The following GLCCI1 variants were observed in gnomAD, a reference collection of about 807,000 sequenced individuals.
GLCCI1 encodes glucocorticoid induced 1, also known as glucocorticoid-induced transcript 1 protein.
Under a neutral mutation model 52.2 loss-of-function variants are expected in GLCCI1, and 24 were observed. The ratio of observed to expected loss-of-function variants is 0.46; its 90% CI spans 0.33 to 0.65. The LOEUF is 0.65. Ranked by LOEUF, GLCCI1 falls within the 30% of genes least tolerant of loss-of-function variation. GLCCI1 has a pLI of 0.02. For missense variants in GLCCI1, 704 were observed against 701.5 expected (o/e 1.00, Z -0.04); for synonymous variants, 310 against 276.5 (o/e 1.12, Z -1.20).
At chr7:7,992,154 A>G (rs1399017593) in intron 1 of GLCCI1, among the ~76,000 whole-genome samples, 2 of 146,650 alleles carry the variant, frequency 1.4e-5, no homozygotes, top group Non-Finnish European at 3.0e-5. Flanking sequence ...CTGGCTCTAG[A>G]AGGAATTTAA....
Position 7,969,082 on chromosome 7 carries a change from C to A in GLCCI1, c.-269C>A. 5.3e-6 allele frequency: 1 copy of A among 190,222 alleles called. No individual in the cohort carries two copies. The highest frequency in any genetic ancestry group is 1.1e-5 in the Non-Finnish European group (1 of 93,668). 11.8% of individuals were successfully genotyped at this position (190,222 alleles called of 1,614,324 possible). A position where few individuals can be genotyped will look rare whatever the true frequency, so the allele number is the denominator to read the frequency against. On this transcript the variant is annotated 5_prime_UTR_variant, in exon 1 of 8. Transcript: ENST00000223145. This position sits in a 1 kb window ranked among gnomAD's most constrained non-coding sequence, Gnocchi z 4.9. The stretch of plus-strand genomic sequence containing the variant: ...GGCGGCGGCGGCTCCGGGCTCCTTG[C>A]GGCCCCGGCCGTGACCGCCACACCG...
intron 5 of GLCCI1, among the ~76,000 whole-genome samples, chr7:8,061,071 A>G (rs1284493814): frequency 6.6e-6 from 1 of 150,798 alleles, no homozygotes; most frequent in African/African-American, 2.4e-5. Flanking sequence ...ATGGCTGAAG[A>G]TGTTAAGCAT....
chr7:8,059,314 A>G (rs1449460117), intron 4 of GLCCI1, among the ~76,000 whole-genome samples: 1 of 145,544 alleles, frequency 6.9e-6, no homozygotes, highest in African/African-American at 2.6e-5. Context: ...TATGGGAAAT[A>G]TTATTAGTGT....
chr7:7,985,124 A>G (rs1485193804), intron 1 of GLCCI1, among the ~76,000 whole-genome samples: 1 of 152,218 alleles, frequency 6.6e-6, no homozygotes, highest in Admixed American at 6.5e-5. Flanking sequence ...AAATATGGTT[A>G]GTGCTGTAGA....
At chr7:8,061,355 C>A (rs952125065) in intron 5 of GLCCI1, among the ~76,000 whole-genome samples, 1 of 152,150 alleles carries the variant, frequency 6.6e-6, no homozygotes, top group African/African-American at 2.4e-5. Flanking sequence ...CCACCTCGGC[C>A]TCCCAAAGTG....
At position 8,035,476 on chromosome 7, in the gene GLCCI1, G is replaced by A. The variant is rs535762225; in HGVS notation, c.696+12907G>A. ...AAGACAGCCATTCTAGGGCAATTAG[G>A]TATGGCTGTGTCCGCACTGATAATC... On this transcript the variant is annotated intron_variant, in intron 3 of 7. Coordinates refer to ENST00000223145, the MANE Select transcript of GLCCI1 (RefSeq NM_138426.4). Among the ~76,000 whole-genome samples, 11 of 152,314 alleles carry A rather than the reference G, an allele frequency of 7.2e-5. No individual in the cohort carries two copies. In the East Asian group the frequency reaches 1.9e-3, roughly 27 times the overall value.
chr7:7,986,577 A>G (rs1384246873), intron 1 of GLCCI1, among the ~76,000 whole-genome samples: 4 of 152,210 alleles, frequency 2.6e-5, no homozygotes, highest in African/African-American at 9.7e-5. Context: ...TGTTACTGAG[A>G]ATAAAACTAA....
intron 1 of GLCCI1, among the ~76,000 whole-genome samples, chr7:8,003,233 A>G (rs1781080957): frequency 6.6e-6 from 1 of 152,170 alleles, no homozygotes; most frequent in Non-Finnish European, 1.5e-5. Context: ...AGGAAAGGGC[A>G]TTAGGGAAAC....
At chr7:7,998,800 G>T (rs1327813493) in intron 1 of GLCCI1, among the ~76,000 whole-genome samples, 1 of 152,110 alleles carries the variant, frequency 6.6e-6, no homozygotes, top group African/African-American at 2.4e-5. Context: ...AGATTTCAAA[G>T]AATTGGTTGA....
chr7:8,074,745 TG>T (rs1480328858), intron 6 of GLCCI1, among the ~76,000 whole-genome samples: 1 of 152,160 alleles, frequency 6.6e-6, no homozygotes, highest in Non-Finnish European at 1.5e-5. Context: ...CATAAATTGG[TG>T]TTTTTTTATT....
intron 3 of GLCCI1, among the ~76,000 whole-genome samples, chr7:8,047,898 A>G (rs907944273): frequency 6.6e-6 from 1 of 152,162 alleles, no homozygotes; most frequent in African/African-American, 2.4e-5. Flanking sequence ...CAAAGCTTAC[A>G]TCTCTTTTTA....
chr7:8,061,386 C>T (rs910537540), intron 5 of GLCCI1, among the ~76,000 whole-genome samples: 1 of 152,102 alleles, frequency 6.6e-6, no homozygotes, highest in Non-Finnish European at 1.5e-5. Flanking sequence ...AGGCGTGAGC[C>T]ACTGCACCCA....
intron 3 of GLCCI1, among the ~76,000 whole-genome samples, chr7:8,030,852 T>C (rs957002882): frequency 2.0e-5 from 3 of 152,030 alleles, no homozygotes; most frequent in Non-Finnish European, 4.4e-5. Flanking sequence ...CTCACCCCAG[T>C]TAAGATGACT....
intron 3 of GLCCI1, among the ~76,000 whole-genome samples, chr7:8,049,419 C>A (rs2127957191): frequency 6.6e-6 from 1 of 152,122 alleles, no homozygotes; most frequent in South Asian, 2.1e-4. Context: ...TCTTTGAAAT[C>A]AAAGGAATTA....
At chr7:8,013,068 T>C (rs930911407) in intron 2 of GLCCI1, among the ~76,000 whole-genome samples, 1 of 152,210 alleles carries the variant, frequency 6.6e-6, no homozygotes, top group Non-Finnish European at 1.5e-5. Flanking sequence ...TTATCAAAAA[T>C]CAATTTACCG....
intron 4 of GLCCI1, among the ~76,000 whole-genome samples, chr7:8,056,755 A>C (rs956451702): frequency 2.6e-5 from 4 of 152,202 alleles, no homozygotes; most frequent in African/African-American, 9.7e-5. Flanking sequence ...TTGTGATTAA[A>C]AGAATAAATA....
intron 6 of GLCCI1, among the ~76,000 whole-genome samples, chr7:8,080,500 T>C (rs995522813): frequency 6.6e-6 from 1 of 151,492 alleles, no homozygotes; most frequent in African/African-American, 2.5e-5. Flanking sequence ...GGATGATAGA[T>C]CTCTTTACAC....
intron 2 of GLCCI1, among the ~76,000 whole-genome samples, chr7:8,017,942 A>T (rs1305120194): frequency 1.3e-5 from 2 of 152,224 alleles, no homozygotes; most frequent in African/African-American, 4.8e-5. Flanking sequence ...AAGAAGTTAA[A>T]AATTGTTTTA....
rs1268166755 is a variant in GLCCI1, at chr7:8,060,830, T to A, written c.966+582T>A. 3.3e-5 allele frequency among the ~76,000 whole-genome samples: 5 copies of A among 152,212 alleles called. No individual in the cohort carries two copies. The South Asian group carries it at 8.3e-4, about 25-fold the overall frequency. The stretch of plus-strand genomic sequence containing the variant: ...ACATACTGTTTGCATTTCTCTTGGG[T>A]ATATACCTAGGGTTGGAAATGCTAA... On this transcript the variant is annotated intron_variant, in intron 5 of 7. Transcript: ENST00000223145.
Sources: gnomAD v4.1 joint callset for allele counts (sites outside exome capture counted in the v4.1 genomes callset) on GRCh38, gnomAD v4.1.1 for gene constraint, Gnocchi (gnomAD v3.1) non-coding constraint, MANE v1.5 for transcripts, NCBI Gene and HGNC (gene_info 2026-07-23, HGNC 2026-07-21) for gene names.